JADE3: variants seen among roughly 807,000 people sequenced by gnomAD.
The protein encoded by JADE3 is jade family PHD finger 3.
JADE3 carries 2 observed loss-of-function variants against 50.1 expected under a neutral mutation model. The observed-to-expected ratio is 0.04, with a 90% CI of 0.02 to 0.13. JADE3 has a LOEUF of 0.13. Among genes scored for constraint, JADE3 ranks in the 10% least tolerant of loss-of-function variants. The pLI is 1.00. For synonymous variants in JADE3, 218 were observed against 232.9 expected, an observed-to-expected ratio of 0.94 and a Z score of 0.58; for missense variants, 475 against 634.4, an observed-to-expected ratio of 0.75 and a Z score of 2.70.
At chrX:46,963,481 T>A (rs1164991410) in intron 1 of JADE3, among the ~76,000 whole-genome samples, 1 of 112,516 alleles carries the variant, frequency 8.9e-6, no homozygotes, top group Non-Finnish European at 1.9e-5. Context: ...TTCTGTCAGT[T>A]AACTATTGCT....
chrX:46,961,999 T>G (rs1927271204), intron 1 of JADE3, among the ~76,000 whole-genome samples: 1 of 112,255 alleles, frequency 8.9e-6, no homozygotes, highest in African/African-American at 3.2e-5. Context: ...TGTTTGTATA[T>G]TGGCCAATCC....
At chrX:46,949,733 C>T (rs1404202993) in intron 1 of JADE3, among the ~76,000 whole-genome samples, 1 of 111,814 alleles carries the variant, frequency 8.9e-6, no homozygotes, top group Non-Finnish European at 1.9e-5. Flanking sequence ...AGTCAGTCCC[C>T]TCTAAGCGGA....
chrX:46,920,720 C>G (rs1926202985), intron 1 of JADE3, among the ~76,000 whole-genome samples: 1 of 112,611 alleles, frequency 8.9e-6, no homozygotes, highest in Non-Finnish European at 1.9e-5. Context: ...GTTGAAAAGA[C>G]TACCCTTTCT....
chrX:46,949,108 A>T (rs1372977461), intron 1 of JADE3, among the ~76,000 whole-genome samples: 1 of 104,652 alleles, frequency 9.6e-6, no homozygotes, highest in Non-Finnish European at 2.0e-5. Flanking sequence ...TAATTTTTGT[A>T]TTTTTTTTTT....
chrX:46,966,339 C>T (rs1314396445), intron 1 of JADE3, among the ~76,000 whole-genome samples: 2 of 111,448 alleles, frequency 1.8e-5, no homozygotes, highest in African/African-American at 6.5e-5. Flanking sequence ...TTCTTTCTTC[C>T]TTCCTTCTTT....
At chrX:47,002,904 C>G (rs1232113919) in intron 4 of JADE3, among the ~76,000 whole-genome samples, 2 of 111,246 alleles carry the variant, frequency 1.8e-5, no homozygotes, top group African/African-American at 6.5e-5. Flanking sequence ...TTCAGTCTTT[C>G]AATATATTAA....
At chrX:46,974,233 G>A (rs781899950) in intron 1 of JADE3, among the ~76,000 whole-genome samples, 5 of 110,483 alleles carry the variant, frequency 4.5e-5, no homozygotes, top group African/African-American at 9.9e-5. Flanking sequence ...GTGAAACCCC[G>A]TCTCTACTAA....
At chrX:47,003,547 A>G (rs1235212999) in intron 4 of JADE3, among the ~76,000 whole-genome samples, 2 of 104,213 alleles carry the variant, frequency 1.9e-5, no homozygotes, top group South Asian at 7.9e-4. Flanking sequence ...TCTTATTTTT[A>G]TGTTCCCGAG....
intron 5 of JADE3, among the ~76,000 whole-genome samples, chrX:47,025,893 T>A (rs1211948818): frequency 8.9e-6 from 1 of 112,397 alleles, no homozygotes; most frequent in Non-Finnish European, 1.9e-5. Context: ...CTTTTTCCTT[T>A]CTTTCTTTTG....
At chrX:47,032,531 C>G (rs1929043987) in intron 6 of JADE3, among the ~76,000 whole-genome samples, 1 of 110,088 alleles carries the variant, frequency 9.1e-6, no homozygotes, top group Non-Finnish European at 1.9e-5. Flanking sequence ...TGAAGGCGTG[C>G]AGGGGGAAAA....
chrX:46,926,750 T>G (rs1926379155), intron 1 of JADE3, among the ~76,000 whole-genome samples: 1 of 112,608 alleles, frequency 8.9e-6, no homozygotes, highest in South Asian at 3.6e-4. Context: ...ATCACATAAA[T>G]GGAGTCAAAC....
intron 4 of JADE3, among the ~76,000 whole-genome samples, chrX:47,008,396 A>G (rs2147142286): frequency 8.9e-6 from 1 of 112,253 alleles, no homozygotes; most frequent in South Asian, 3.7e-4. Context: ...CAAGGGGTAG[A>G]AAAGGTGCTT....
intron 10 of JADE3, among the ~76,000 whole-genome samples, chrX:47,057,049 T>A (rs1929645725): frequency 9.0e-6 from 1 of 111,725 alleles, no homozygotes; most frequent in Non-Finnish European, 1.9e-5. Flanking sequence ...GCAGCAAGAC[T>A]GCTCAGCCAC....
chrX:46,994,806 C>T (rs1698046233), intron 3 of JADE3, among the ~76,000 whole-genome samples: 1 of 111,634 alleles, frequency 9.0e-6, no homozygotes, highest in Non-Finnish European at 1.9e-5. Context: ...AAAATAACAC[C>T]ATCTAGCATT....
chrX:46,931,731 A>T (rs1250758018), intron 1 of JADE3, among the ~76,000 whole-genome samples: 1 of 112,092 alleles, frequency 8.9e-6, no homozygotes, highest in Non-Finnish European at 1.9e-5. Context: ...GCCTATATAA[A>T]TTTTTTTAAA....
chrX:47,010,661 C>T (rs374030631), intron 4 of JADE3, among the ~76,000 whole-genome samples: 1 of 111,214 alleles, frequency 9.0e-6, no homozygotes, highest in Non-Finnish European at 1.9e-5. Flanking sequence ...AGAAAGAAAT[C>T]CCACATCTGT....
intron 4 of JADE3, among the ~76,000 whole-genome samples, chrX:47,015,002 T>C (rs1928640275): frequency 8.9e-6 from 1 of 112,384 alleles, no homozygotes; most frequent in African/African-American, 3.2e-5. Flanking sequence ...GTAAAAATTA[T>C]CTCCACCTTC....
In JADE3 at chrX:47,058,306, T is replaced by C; in HGVS notation, c.1701T>C (p.Pro567=). ...STETDQQPHS[P]DSSSSVHSIR... ...AAACCGATCAGCAGCCCCACTCTCC[T>C]GACAGCAGCTCATCTGTTCACAGTA... Residue 567 remains proline (P), a synonymous_variant, in exon 11 of 11, where the codon CCT becomes CCC. Transcript: ENST00000614628. 8.3e-7 allele frequency: 1 copy of C among 1,211,002 alleles called. No individual in the cohort carries two copies. Among genetic ancestry groups the C allele is most frequent in the Non-Finnish European group, 1.1e-6 (1 of 895,366 alleles).
chrX:47,039,838 G>A (rs1356244663), intron 8 of JADE3, among the ~76,000 whole-genome samples: 4 of 111,747 alleles, frequency 3.6e-5, no homozygotes, highest in Non-Finnish European at 7.5e-5. Flanking sequence ...GAGGTTTGGT[G>A]TACAGATAAT....
Sources: allele counts gnomAD v4.1 joint callset (sites outside exome capture counted in the v4.1 genomes callset), GRCh38; gene constraint gnomAD v4.1.1; transcripts MANE v1.5; gene names NCBI Gene and HGNC (gene_info 2026-07-23, HGNC 2026-07-21).